The following NUGGC variants were observed in gnomAD, a reference collection of about 807,000 sequenced individuals.
NUGGC encodes nuclear GTPase SLIP-GC.
In NUGGC, 58 loss-of-function variants were observed where a neutral mutation model predicts 92.6. That is an observed-to-expected ratio of 0.63 (90% confidence interval 0.51 to 0.78). The LOEUF is 0.78. NUGGC is among the 30% of genes least tolerant of loss of function. The probability of loss-of-function intolerance (pLI) is 0.00; values close to 1 mark genes in which losing one functional copy is unlikely to be tolerated. For missense variants in NUGGC, 925 were observed against 964.6 expected (o/e 0.96, Z 0.54); for synonymous variants, 376 against 366.4 (o/e 1.03, Z -0.30).
intron 11 of NUGGC, 28 bp from the exon 12 acceptor site, chr8:28,045,688 TG>T: frequency 6.2e-7 from 1 of 1,603,092 alleles, no homozygotes; most frequent in Non-Finnish European, 8.5e-7. Flanking sequence ...CACAAATAAT[TG>T]TTAAAGGCCA....
At chr8:28,080,811 G>A (rs191371326) in intron 1 of NUGGC, among the ~76,000 whole-genome samples, 1 of 152,280 alleles carries the variant, frequency 6.6e-6, no homozygotes, top group Admixed American at 6.5e-5. Context: ...GGTACAGCAG[G>A]AAACAATGTG....
chr8:28,070,164 C>A, intron 3 of NUGGC, 88 bp downstream of exon 3: 2 of 1,479,542 alleles, frequency 1.4e-6, no homozygotes, highest in Non-Finnish European at 1.8e-6. Flanking sequence ...CATCCAGCTT[C>A]AGAATTTAAC....
At chr8:28,058,797 G>C (rs1276703945) in intron 8 of NUGGC, among the ~76,000 whole-genome samples, 1 of 151,858 alleles carries the variant, frequency 6.6e-6, no homozygotes, top group Non-Finnish European at 1.5e-5. Context: ...CCACATTCCA[G>C]GTCCAAGCGA....
intron 1 of NUGGC, among the ~76,000 whole-genome samples, chr8:28,076,708 G>A (rs144688233): frequency 1.6e-4 from 24 of 152,268 alleles, no homozygotes; most frequent in African/African-American, 5.3e-4. Context: ...ACTGCTCCAC[G>A]GGGATGAGGA....
At chr8:28,053,562 T>A (rs1810060332) in intron 10 of NUGGC, among the ~76,000 whole-genome samples, 1 of 152,016 alleles carries the variant, frequency 6.6e-6, no homozygotes, top group Non-Finnish European at 1.5e-5. Context: ...AATAAAGTGG[T>A]TGGAGAATGA....
intron 7 of NUGGC, among the ~76,000 whole-genome samples, chr8:28,062,407 T>C (rs1038757846): frequency 4.6e-5 from 7 of 150,780 alleles, no homozygotes; most frequent in African/African-American, 1.7e-4. Flanking sequence ...TCACTTGAGC[T>C]CAGGAGTTCA....
chr8:28,067,189 GA>G (rs1413335277), intron 6 of NUGGC, among the ~76,000 whole-genome samples: 3 of 152,072 alleles, frequency 2.0e-5, no homozygotes, highest in Non-Finnish European at 4.4e-5. Flanking sequence ...TCTTACATGA[GA>G]AAAGGAATAA....
At chr8:28,080,595 A>C (rs760640970) in intron 1 of NUGGC, among the ~76,000 whole-genome samples, 1 of 152,230 alleles carries the variant, frequency 6.6e-6, no homozygotes, top group African/African-American at 2.4e-5. Flanking sequence ...GCAAGCACTA[A>C]ATAATTTGTT....
chr8:28,041,655 T>C (rs1329768215), intron 12 of NUGGC, among the ~76,000 whole-genome samples: 2 of 152,166 alleles, frequency 1.3e-5, no homozygotes, highest in African/African-American at 2.4e-5. Flanking sequence ...TGCATACAAA[T>C]CAACAGGAGA....
Position 28,030,267 on chromosome 8 carries a change from A to T in NUGGC, c.2017+43T>A, listed in dbSNP as rs573814693. Reference sequence around the variant, plus strand: ...AAAGGATGCGAAAGATGCTGACAGAAAGTCCCAGAGCAGGCAGAAATGCTG... The same window carrying T: ...AAAGGATGCGAAAGATGCTGACAGATAGTCCCAGAGCAGGCAGAAATGCTG... On this transcript the variant is annotated intron_variant, in intron 16 of 18. Coordinates refer to ENST00000413272, the MANE Select transcript of NUGGC (RefSeq NM_001010906.2). 3.1e-5 allele frequency: 33 copies of T among 1,067,678 alleles called. No individual in the cohort carries two copies. In the African/African-American group the frequency reaches 4.9e-4, roughly 16 times the overall value. The allele number at this position is 1,067,678 out of a possible 1,614,324, so 66.1% of individuals were successfully genotyped here. A position where few individuals can be genotyped will look rare whatever the true frequency, so the allele number is the denominator to read the frequency against.
intron 8 of NUGGC, among the ~76,000 whole-genome samples, chr8:28,059,174 TGTGGAGGAAATG>T (rs1391164730): frequency 6.6e-6 from 1 of 151,762 alleles, no homozygotes; most frequent in Admixed American, 6.6e-5. Context: ...CTTCAGTGGG[TGTGGAGGAAATG>T]GTGGAGGGGC....
rs1809351238 is a variant in NUGGC, at chr8:28,029,302, G to T, written c.2118C>A (p.Ala706=). 2 of 1,607,638 alleles carry T rather than the reference G, an allele frequency of 1.2e-6. No individual in the cohort carries two copies. The highest frequency in any genetic ancestry group is 1.7e-5 in the Admixed American group (1 of 59,318). Residue 706 remains alanine, a synonymous_variant, in exon 17 of 19, where the codon GCC becomes GCA. Transcript: ENST00000413272. ...RQVAEGMFER[A]QERMQHQFQQ... ...GAAACTGGTGCTGCATCCTTTCCTGGGCCCTTTCAAACATGCCCTCAGCCA... is the reference window on the plus strand; with the variant it reads ...GAAACTGGTGCTGCATCCTTTCCTGTGCCCTTTCAAACATGCCCTCAGCCA...
intron 6 of NUGGC, 125 bp downstream of exon 6, chr8:28,067,389 T>C (rs1029795150): frequency 1.3e-5 from 9 of 678,468 alleles, no homozygotes; most frequent in African/African-American, 3.6e-5. Context: ...ATACTTCTAA[T>C]TTGGGTAGCA....
chr8:28,080,635 T>C (rs1810827007), intron 1 of NUGGC, among the ~76,000 whole-genome samples: 1 of 152,234 alleles, frequency 6.6e-6, no homozygotes, highest in African/African-American at 2.4e-5. Flanking sequence ...TAATTTTTTG[T>C]ATCTATATCT....
At chr8:28,044,547 CAT>C (rs986320864) in intron 12 of NUGGC, among the ~76,000 whole-genome samples, 1 of 152,174 alleles carries the variant, frequency 6.6e-6, no homozygotes, top group African/African-American at 2.4e-5. Context: ...TAGGCATAGA[CAT>C]TTGGTTTTCC....
At chr8:28,062,933 A>G (rs971701930) in intron 7 of NUGGC, among the ~76,000 whole-genome samples, 2 of 152,174 alleles carry the variant, frequency 1.3e-5, no homozygotes, top group African/African-American at 2.4e-5. Flanking sequence ...TAAAACCTGA[A>G]CTGCCAGACT....
At chr8:28,048,461 G>T (rs543833683) in intron 10 of NUGGC, among the ~76,000 whole-genome samples, 26 of 152,210 alleles carry the variant, frequency 1.7e-4, no homozygotes, top group African/African-American at 6.3e-4. Context: ...AGAGCTAGTT[G>T]TTAAACATTT....
In NUGGC at chr8:28,029,322, C is replaced by T; in HGVS notation, c.2098G>A (p.Glu700Lys). 6.2e-7 allele frequency: 1 copy of T among 1,609,410 alleles called. No homozygotes were observed. ...TCCTGGGCCCTTTCAAACATGCCCT[C>T]AGCCACCTGCCGGTCCACTCCTCTT... ...IRRGVDRQVA[E>K]GMFERAQERM... The change falls in exon 17 of 19, where the codon GAG becomes AAG. Residue 700 changes from glutamate to lysine, a missense_variant. Coordinates refer to ENST00000413272, the MANE Select transcript of NUGGC (RefSeq NM_001010906.2).
At chr8:28,075,515 G>A (rs371086502) in intron 1 of NUGGC, among the ~76,000 whole-genome samples, 4 of 152,268 alleles carry the variant, frequency 2.6e-5, no homozygotes, top group Admixed American at 6.5e-5. Flanking sequence ...TGAGGAACAC[G>A]AGTGGGGAAC....
Sources: gnomAD v4.1 joint callset for allele counts (sites outside exome capture counted in the v4.1 genomes callset) on GRCh38, gnomAD v4.1.1 for gene constraint, MANE v1.5 for transcripts, NCBI Gene and HGNC (gene_info 2026-07-23, HGNC 2026-07-21) for gene names.